EFR3A: variants seen among roughly 807,000 people sequenced by gnomAD.
EFR3A encodes EFR3 homolog A, also known as protein EFR3 homolog A.
In EFR3A, 76 loss-of-function variants were observed where a neutral mutation model predicts 104.4. That is an observed-to-expected ratio of 0.73 (90% confidence interval 0.60 to 0.88). EFR3A has a LOEUF of 0.88. EFR3A is among the 40% of genes least tolerant of loss of function. EFR3A has a pLI of 0.00. For synonymous variants in EFR3A, 330 were observed against 330.0 expected (o/e 1.00, Z 0.00); for missense variants, 985 against 1,012.5 (o/e 0.97, Z 0.37).
rs1275249600 is a variant in EFR3A, at chr8:131,907,790, C to G, written c.10+3468C>G. 2.0e-5 allele frequency among the ~76,000 whole-genome samples: 3 copies of G among 151,826 alleles called. No homozygotes were observed. The South Asian group carries it at 6.2e-4, about 32-fold the overall frequency. The stretch of plus-strand genomic sequence containing the variant: ...TTCTCTCCCCTTTTCCCCTCTTCCC[C>G]CCTTTCCTCATTGTCCCTTTGCTTC... On this transcript the variant is annotated intron_variant, in intron 1 of 22. Transcript: ENST00000254624.
chr8:131,965,575 G>A (rs920533431), intron 8 of EFR3A, among the ~76,000 whole-genome samples: 1 of 152,152 alleles, frequency 6.6e-6, no homozygotes, highest in African/African-American at 2.4e-5. Flanking sequence ...GTGCTGGAGA[G>A]GATGTAGAGA....
At chr8:131,948,969 C>T (rs761109395) in intron 4 of EFR3A, among the ~76,000 whole-genome samples, 1 of 151,994 alleles carries the variant, frequency 6.6e-6, no homozygotes, top group Non-Finnish European at 1.5e-5. Context: ...CAATGTATTT[C>T]GGTTCTCCTT....
chr8:131,961,227 T>C (rs1819303965), intron 8 of EFR3A, among the ~76,000 whole-genome samples: 1 of 152,070 alleles, frequency 6.6e-6, no homozygotes, highest in Non-Finnish European at 1.5e-5. Context: ...CTTTGACAAG[T>C]TGAGAGAAGA....
intron 1 of EFR3A, among the ~76,000 whole-genome samples, chr8:131,919,595 C>CAAAA (rs1054823834): frequency 1.9e-5 from 1 of 53,868 alleles, no homozygotes. Context: ...GACTCCGTCT[C>CAAAA]AAAAAAAAAA....
intron 1 of EFR3A, among the ~76,000 whole-genome samples, chr8:131,925,798 A>G (rs949960956): frequency 7.1e-4 from 108 of 152,240 alleles, no homozygotes; most frequent in African/African-American, 2.6e-3. Context: ...TTCTACCTGT[A>G]CTTTGTCCCT....
In EFR3A at chr8:131,904,323, G is replaced by A; in HGVS notation, c.10+1G>A. The A allele has an allele frequency of 8.0e-7, 1 of 1,256,600 alleles. No individual in the cohort carries two copies. The highest frequency in any genetic ancestry group is 1.0e-6 in the Non-Finnish European group (1 of 999,776). The allele number at this position is 1,256,600 out of a possible 1,614,324, so 77.8% of individuals were successfully genotyped here. A position where few individuals can be genotyped will look rare whatever the true frequency, so the allele number is the denominator to read the frequency against. ...GCGGTCGAGATCGCCATGCCTACCCGTGAGTGGCCGGCCGAGGGCCGGGGG... is the reference window on the plus strand; with the variant it reads ...GCGGTCGAGATCGCCATGCCTACCCATGAGTGGCCGGCCGAGGGCCGGGGG... On this transcript the variant is annotated splice_donor_variant, in intron 1 of 22. Transcript: ENST00000254624. LOFTEE classifies it high-confidence loss of function.
At chr8:131,970,059 A>G (rs1405659977) in intron 9 of EFR3A, among the ~76,000 whole-genome samples, 3 of 152,252 alleles carry the variant, frequency 2.0e-5, no homozygotes, top group Non-Finnish European at 4.4e-5. Flanking sequence ...CAGTCTCAAA[A>G]GATACAAAAT....
rs147203870 is a variant in EFR3A, at chr8:131,992,264, A to G, written c.2066-4142A>G. Among the ~76,000 whole-genome samples the G allele has an allele frequency of 1.7e-3, 253 of 152,308 alleles. 1 individual carries two copies. The highest frequency in any genetic ancestry group is 5.9e-3 in the African/African-American group (245 of 41,586). Reference sequence around the variant, plus strand: ...TGTCCAGTTATTTGTATCAAAGCATATGATTATGAAGGAAAAACAAAAAAT... The same window carrying G: ...TGTCCAGTTATTTGTATCAAAGCATGTGATTATGAAGGAAAAACAAAAAAT... On this transcript the variant is annotated intron_variant, in intron 18 of 22. Coordinates refer to ENST00000254624, the MANE Select transcript of EFR3A (RefSeq NM_015137.6).
chr8:131,913,744 C>G (rs1054511312), intron 1 of EFR3A, among the ~76,000 whole-genome samples: 4 of 152,060 alleles, frequency 2.6e-5, no homozygotes, highest in Non-Finnish European at 5.9e-5. Context: ...AATTAGCTAC[C>G]AAGTTCCCTT....
intron 7 of EFR3A, among the ~76,000 whole-genome samples, chr8:131,957,893 C>T (rs750306941): frequency 2.0e-5 from 3 of 151,914 alleles, no homozygotes; most frequent in African/African-American, 4.8e-5. Context: ...TTAGGGGTTA[C>T]GGTGAGATAA....
chr8:131,936,886 G>A (rs572519805), intron 1 of EFR3A, among the ~76,000 whole-genome samples: 1 of 151,974 alleles, frequency 6.6e-6, no homozygotes, highest in Non-Finnish European at 1.5e-5. Context: ...GTCCTTTTCG[G>A]TTTTTTTATA....
intron 1 of EFR3A, among the ~76,000 whole-genome samples, chr8:131,908,321 A>G (rs1015979689): frequency 3.9e-5 from 6 of 152,014 alleles, no homozygotes; most frequent in African/African-American, 1.5e-4. Flanking sequence ...CGGCCTCCCA[A>G]AGTGCTGGGA....
chr8:131,942,217 T>C (rs992122108), intron 2 of EFR3A, among the ~76,000 whole-genome samples: 1 of 152,094 alleles, frequency 6.6e-6, no homozygotes, highest in East Asian at 1.9e-4. Flanking sequence ...ATAAGATTTG[T>C]TTAAATAGCA....
At chr8:131,938,429 A>G (rs530755314) in intron 1 of EFR3A, 50 of 387,492 alleles carry the variant, frequency 1.3e-4, no homozygotes, top group African/African-American at 8.3e-4. Flanking sequence ...AGTTATTTCA[A>G]CCTTACATTG....
chr8:131,974,447 C>T (rs1820222472), intron 10 of EFR3A, among the ~76,000 whole-genome samples: 1 of 151,994 alleles, frequency 6.6e-6, no homozygotes, highest in African/African-American at 2.4e-5. Flanking sequence ...AGGTCAGTGT[C>T]CAGTTTTCTG....
intron 5 of EFR3A, 43 bp from the exon 6 acceptor site, chr8:131,953,775 T>G (rs1818825727): frequency 6.7e-7 from 1 of 1,487,498 alleles, no homozygotes; most frequent in African/African-American, 1.4e-5. Flanking sequence ...GTTTAAATAA[T>G]TTTTTTATGG....
intron 4 of EFR3A, 146 bp from the exon 5 acceptor site, chr8:131,949,823 G>A: frequency 2.6e-6 from 2 of 755,930 alleles, no homozygotes; most frequent in Non-Finnish European, 4.0e-6. Context: ...AAGAAAGAAA[G>A]TTTCTTCTGT....
At chr8:131,920,970 A>G (rs765824033) in intron 1 of EFR3A, among the ~76,000 whole-genome samples, 4 of 152,206 alleles carry the variant, frequency 2.6e-5, no homozygotes, top group Non-Finnish European at 5.9e-5. Flanking sequence ...TGAGGGATAG[A>G]TAGGAGCAGG....
chr8:131,934,102 A>G (rs763152454), intron 1 of EFR3A, among the ~76,000 whole-genome samples: 2 of 152,214 alleles, frequency 1.3e-5, no homozygotes, highest in Non-Finnish European at 2.9e-5. Context: ...TCCTTTTAAA[A>G]GGAACACTTT....
Sources: allele counts gnomAD v4.1 joint callset (sites outside exome capture counted in the v4.1 genomes callset), GRCh38; gene constraint gnomAD v4.1.1; transcripts MANE v1.5; gene names NCBI Gene and HGNC (gene_info 2026-07-23, HGNC 2026-07-21).